HDAC6: variants seen among roughly 807,000 people sequenced by gnomAD.
HDAC6 encodes the protein protein deacetylase HDAC6.
A neutral mutation model predicts 88.9 loss-of-function variants in HDAC6; 5 were observed. The observed-to-expected ratio is 0.06, with a 90% CI of 0.03 to 0.12. The LOEUF (loss-of-function observed/expected upper bound fraction) is 0.12. Among genes scored for constraint, HDAC6 ranks in the 10% least tolerant of loss-of-function variants. The pLI, the probability that HDAC6 is intolerant of heterozygous loss-of-function variation, is 1.00. For missense variants in HDAC6, 706 were observed against 1,014.4 expected (o/e 0.70, Z 4.13); for synonymous variants, 378 against 398.0 (o/e 0.95, Z 0.60).
Position 48,823,533 on chromosome X carries a change from C to T in HDAC6, c.3134C>T (p.Ser1045Phe), listed in dbSNP as rs2063118915. ...GTGCAGGGAACTACACCCCAGATAT[C>T]TCCCAGTACACTGATTGGGAGTCTC... ...SPVQGTTPQI[S>F]PSTLIGSLRT... Residue 1045 changes from serine (S) to phenylalanine (F), a missense_variant, in exon 25 of 29, where the codon TCT becomes TTT. This residue lies in a region of HDAC6 where 112 missense variants were observed against 95.1 expected (regional missense o/e 1.18). Transcript: ENST00000334136. 2 of 1,210,482 alleles carry T rather than the reference C, an allele frequency of 1.7e-6. No homozygotes were observed. Among genetic ancestry groups the T allele is most frequent in the East Asian group, 5.9e-5 (2 of 33,798 alleles).
intron 23 of HDAC6, among the ~76,000 whole-genome samples, chrX:48,820,943 TCCTC>T (rs1312282723): frequency 5.4e-5 from 6 of 110,883 alleles, no homozygotes; most frequent in Admixed American, 2.9e-4. Context: ...CTTCAAGTGA[TCCTC>T]CCACCTCAGC....
At chrX:48,821,168 T>C (rs1557029664) in intron 23 of HDAC6, among the ~76,000 whole-genome samples, 1 of 110,624 alleles carries the variant, frequency 9.0e-6, no homozygotes, top group Non-Finnish European at 1.9e-5. Flanking sequence ...GTTCAGATAT[T>C]AACCCACTCA....
intron 16 of HDAC6, 21 bp downstream of exon 16, chrX:48,815,663 C>T (rs2062972893): frequency 8.5e-7 from 1 of 1,183,417 alleles, no homozygotes; most frequent in Non-Finnish European, 1.1e-6. Flanking sequence ...GGGTGTGGGC[C>T]TGGTGTGGGG....
Position 48,824,228 on chromosome X carries a change from G to A in HDAC6, c.3513G>A (p.Pro1171=), listed in dbSNP as rs782380536. The A allele has an allele frequency of 1.1e-5, 13 of 1,208,893 alleles. No homozygotes were observed. In the Admixed American group the frequency reaches 2.6e-4, roughly 24 times the overall value. ...MLQHHGNSGH[P]LVLSYIDLSA... ...AACACCATGGAAATTCTGGACACCC[G>A]CTGGTCCTCAGCTACATCGACCTGT... Residue 1171 remains proline, a synonymous_variant, in exon 28 of 29, where the codon CCG becomes CCA. Coordinates refer to ENST00000334136, the MANE Select transcript of HDAC6 (RefSeq NM_006044.4).
At chrX:48,824,480 C>T (rs1158208431) in intron 28 of HDAC6, 64 bp from the exon 29 acceptor site, 2 of 1,097,648 alleles carry the variant, frequency 1.8e-6, no homozygotes, top group Non-Finnish European at 2.5e-6. Flanking sequence ...TGGGGGCAGC[C>T]CTGCAGCCGA....
chrX:48,817,159 G>A, intron 19 of HDAC6, 167 bp from the exon 20 acceptor site: 1 of 496,350 alleles, frequency 2.0e-6, no homozygotes, highest in East Asian at 4.3e-5. Flanking sequence ...GGCTGAGGCA[G>A]GAGAATGGCG....
At chrX:48,807,912 G>A (rs1335739578) in intron 8 of HDAC6, 121 bp from the exon 9 acceptor site, 4 of 508,057 alleles carry the variant, frequency 7.9e-6, no homozygotes, top group East Asian at 3.7e-5. Context: ...GTTCCCGGCA[G>A]ATTTTTAGGC....
In HDAC6 at chrX:48,816,374, G is replaced by A. The variant is rs1260839640; in HGVS notation, c.1623-91G>A. 1.4e-5 allele frequency: 16 copies of A among 1,124,413 alleles called. No individual in the cohort carries two copies. In the African/African-American group the frequency reaches 1.6e-4, roughly 11 times the overall value. The allele number at this position is 1,124,413 out of a possible 1,213,427, so 92.7% of individuals were successfully genotyped here. A position where few individuals can be genotyped will look rare whatever the true frequency, so the allele number is the denominator to read the frequency against. ...CCTGGGGAGCTGCTGCAGGACTTGA[G>A]AGGGGCTGAAGTCCCTGTCTTAGGG... On this transcript the variant is annotated intron_variant, in intron 18 of 28. Transcript: ENST00000334136.
chrX:48,813,152 G>A (rs2062928290), intron 10 of HDAC6, among the ~76,000 whole-genome samples: 1 of 112,163 alleles, frequency 8.9e-6, no homozygotes, highest in Non-Finnish European at 1.9e-5. Flanking sequence ...CTAGTGATCC[G>A]CCCACCTTGG....
At chrX:48,802,601 A>G in intron 1 of HDAC6, 62 bp from the exon 2 acceptor site, 1 of 1,159,393 alleles carries the variant, frequency 8.6e-7, no homozygotes, top group Non-Finnish European at 1.2e-6. Flanking sequence ...AAGGGCAGAG[A>G]GGTGGGGTCC....
chrX:48,803,067 C>T, intron 3 of HDAC6, 61 bp from the exon 4 acceptor site: 1 of 1,198,294 alleles, frequency 8.3e-7, no homozygotes, highest in Non-Finnish European at 1.1e-6. Flanking sequence ...CCACCCTGGA[C>T]AGTTCCCTCT....
intron 10 of HDAC6, among the ~76,000 whole-genome samples, chrX:48,809,189 C>T (rs782488384): frequency 9.2e-4 from 102 of 111,445 alleles, no homozygotes; most frequent in Admixed American, 1.8e-3. Flanking sequence ...GAATTTCTAA[C>T]AGTGGGTTGC....
At chrX:48,808,943 A>G (rs1433418536) in intron 10 of HDAC6, among the ~76,000 whole-genome samples, 1 of 112,186 alleles carries the variant, frequency 8.9e-6, no homozygotes, top group Non-Finnish European at 1.9e-5. Context: ...ATAATTCTCC[A>G]CATGTTCTTC....
Position 48,824,945 on chromosome X carries a change from G to A in HDAC6, c.*333G>A. The A allele has an allele frequency of 9.6e-7, 1 of 1,041,945 alleles. No homozygotes were observed. Among genetic ancestry groups the A allele is most frequent in the Non-Finnish European group, 1.2e-6 (1 of 801,478 alleles). 85.9% of individuals were successfully genotyped at this position (1,041,945 alleles called of 1,213,427 possible). A position where few individuals can be genotyped will look rare whatever the true frequency, so the allele number is the denominator to read the frequency against. On this transcript the variant is annotated 3_prime_UTR_variant, in exon 29 of 29. Coordinates refer to ENST00000334136, the MANE Select transcript of HDAC6 (RefSeq NM_006044.4). ...GTTAACTGGCAGGCATGGCAAGGTT[G>A]CATATGTAATAAAGTACAAGCTGTT... is the stretch of plus-strand genomic sequence containing the variant.
intron 5 of HDAC6, 39 bp downstream of exon 5, chrX:48,805,561 G>A (rs1386549724): frequency 1.7e-6 from 2 of 1,179,608 alleles, no homozygotes; most frequent in Non-Finnish European, 2.3e-6. Flanking sequence ...GAAGGGCAGG[G>A]AGCTGACCTG....
chrX:48,802,643 G>A lies in HDAC6; in HGVS notation c.-30-20G>A, dbSNP rs192998875. ...CACACTAGCCCCCTCACATACCCAC[G>A]CTCCTCCCCCCACCCCCAGAACCGC... On this transcript the variant is annotated intron_variant, in intron 1 of 28. Coordinates refer to ENST00000334136, the MANE Select transcript of HDAC6 (RefSeq NM_006044.4). 245 of 1,172,079 alleles carry A rather than the reference G, an allele frequency of 2.1e-4. 3 individuals carry two copies. In the East Asian group the frequency reaches 6.5e-3, roughly 31 times the overall value.
Position 48,806,673 on chromosome X carries a change from G to A in HDAC6, c.599G>A (p.Gly200Glu). 2 of 1,207,748 alleles carry A rather than the reference G, an allele frequency of 1.7e-6. No homozygotes were observed. Among genetic ancestry groups the A allele is most frequent in the Non-Finnish European group, 2.2e-6 (2 of 892,217 alleles). Residue 200 changes from glycine (G) to glutamate (E), a missense_variant, in exon 8 of 29, where the codon GGG becomes GAG. Gly to Glu is a moderately conservative substitution (Grantham distance 98). This residue lies in a region of HDAC6 where 193 missense variants were observed against 258.2 expected (regional missense o/e 0.75). Transcript: ENST00000334136. ...CTCAGGCTGGTGGATGCGGTCCTGG[G>A]GGCTGAGATCCGGAATGGCATGGCC... The part of the protein sequence containing the change: ...SVLRLVDAVL[G>E]AEIRNGMAII...
Position 48,816,209 on chromosome X carries a change from G to A in HDAC6, c.1562G>A (p.Gly521Glu). ...CGTCTGGAGGAGCTGGGCCTTGCCG[G>A]GCGCTGCCTCACCCTGACACCGCGC... ...MCRLEELGLA[G>E]RCLTLTPRPA... The change falls in exon 18 of 29, where the codon GGG becomes GAG. Residue 521 changes from glycine to glutamate, a missense_variant. This residue lies in a region of HDAC6 where 138 missense variants were observed against 303.5 expected (regional missense o/e 0.45). Coordinates refer to ENST00000334136, the MANE Select transcript of HDAC6 (RefSeq NM_006044.4). 2 of 1,211,175 alleles carry A rather than the reference G, an allele frequency of 1.7e-6. No homozygotes were observed. The highest frequency in any genetic ancestry group is 2.2e-6 in the Non-Finnish European group (2 of 895,493).
At position 48,824,701 on chromosome X, in the gene HDAC6, C is replaced by A; in HGVS notation, c.*89C>A. On this transcript the variant is annotated 3_prime_UTR_variant, in exon 29 of 29. Transcript: ENST00000334136. ...AGCCTGTACCTTGGATGAGGGGTAGCCTCCCACTGCATCCCATCCTGAATA... is the reference window on the plus strand; with the variant it reads ...AGCCTGTACCTTGGATGAGGGGTAGACTCCCACTGCATCCCATCCTGAATA... 20 of 1,157,691 alleles carry A rather than the reference C, an allele frequency of 1.7e-5. No individual in the cohort carries two copies. The highest frequency in any genetic ancestry group is 2.3e-5 in the Non-Finnish European group (20 of 865,864).
Sources: allele counts gnomAD v4.1 joint callset (sites outside exome capture counted in the v4.1 genomes callset), GRCh38; gene constraint gnomAD v4.1.1; regional missense constraint gnomAD v4.1.1; transcripts MANE v1.5; gene names NCBI Gene and HGNC (gene_info 2026-07-23, HGNC 2026-07-21).